IMMP2L: variants seen among roughly 807,000 people sequenced by gnomAD.
IMMP2L encodes mitochondrial inner membrane protease subunit 2.
IMMP2L carries 18 observed loss-of-function variants against 19.3 expected under a neutral mutation model. The ratio of observed to expected loss-of-function variants is 0.93; its 90% CI spans 0.64 to 1.38. The LOEUF (loss-of-function observed/expected upper bound fraction) is 1.38, where lower values mean the gene tolerates loss of function less well. IMMP2L is among the 40% of genes most tolerant of loss of function. The probability of loss-of-function intolerance (pLI) is 0.00; values close to 1 mark genes in which losing one functional copy is unlikely to be tolerated. For synonymous variants in IMMP2L, 76 were observed against 73.0 expected (o/e 1.04, Z -0.21); for missense variants, 233 against 218.2 (o/e 1.07, Z -0.43).
chr7:110,890,809 T>A (rs2129546041), intron 4 of IMMP2L, among the ~76,000 whole-genome samples: 1 of 152,240 alleles, frequency 6.6e-6, no homozygotes, highest in African/African-American at 2.4e-5. Context: ...GTCTTATAAA[T>A]GGAATAAAGA....
intron 3 of IMMP2L, among the ~76,000 whole-genome samples, chr7:110,964,991 C>T (rs1819383508): frequency 6.6e-6 from 1 of 151,996 alleles, no homozygotes; most frequent in South Asian, 2.1e-4. Context: ...GACCTTGAGT[C>T]AGAACCACAC....
chr7:111,533,944 C>T (rs1847634944), intron 1 of IMMP2L, among the ~76,000 whole-genome samples: 1 of 151,784 alleles, frequency 6.6e-6, no homozygotes, highest in Admixed American at 6.6e-5. Context: ...TCTAAAATTA[C>T]ACAATTCTTA....
chr7:111,389,831 A>C lies in IMMP2L; in HGVS notation c.239+97407T>G, dbSNP rs187872002. Among the ~76,000 whole-genome samples the C allele has an allele frequency of 3.4e-3, 525 of 152,232 alleles. 4 individuals are homozygous for C. The highest frequency in any genetic ancestry group is 7.2e-3 in the Admixed American group (110 of 15,282). ...TCTGCTCTGAATTTTGAATATAAAA[A>C]AGTATGCTTGTGCTAGAGGCTAATA... On this transcript the variant is annotated intron_variant, in intron 3 of 5. Transcript: ENST00000405709.
intron 2 of IMMP2L, among the ~76,000 whole-genome samples, chr7:111,497,890 T>C (rs1843742271): frequency 6.6e-6 from 1 of 151,638 alleles, no homozygotes; most frequent in Admixed American, 6.6e-5. Context: ...AATTTTTCAC[T>C]ATTAGTATTA....
chr7:111,353,766 A>G (rs1239767490), intron 3 of IMMP2L, among the ~76,000 whole-genome samples: 1 of 152,164 alleles, frequency 6.6e-6, no homozygotes, highest in Non-Finnish European at 1.5e-5. Context: ...TTCTCAGAAT[A>G]TACAACTTAA....
chr7:111,119,622 A>G (rs17158338), intron 3 of IMMP2L, among the ~76,000 whole-genome samples: 6,362 of 152,338 alleles, frequency 0.042, 186 homozygotes, highest in Non-Finnish European at 0.066. Flanking sequence ...AAACAGATTT[A>G]CTGAAATTAG....
intron 3 of IMMP2L, among the ~76,000 whole-genome samples, chr7:111,472,919 AACCAAGTCTCT>A (rs1342061010): frequency 6.6e-6 from 1 of 152,092 alleles, no homozygotes; most frequent in Non-Finnish European, 1.5e-5. Flanking sequence ...AACATGGCGA[AACCAAGTCTCT>A]ACTAAAAGAA....
intron 1 of IMMP2L, among the ~76,000 whole-genome samples, chr7:111,530,489 T>C (rs1434622698): frequency 1.3e-5 from 2 of 152,164 alleles, no homozygotes; most frequent in Admixed American, 6.5e-5. Flanking sequence ...GGGGCAATCA[T>C]ATGTACTGAT....
chr7:110,945,399 T>G (rs1563101343), intron 4 of IMMP2L, among the ~76,000 whole-genome samples: 1 of 151,976 alleles, frequency 6.6e-6, no homozygotes, highest in Non-Finnish European at 1.5e-5. Flanking sequence ...GTAACCCATC[T>G]TCCTGGGCTC....
intron 3 of IMMP2L, among the ~76,000 whole-genome samples, chr7:110,985,611 T>A (rs1284406776): frequency 6.6e-6 from 1 of 152,154 alleles, no homozygotes; most frequent in East Asian, 1.9e-4. Flanking sequence ...CTTTTAAAAG[T>A]GTGTGAATGT....
chr7:111,528,650 A>G (rs1034184655), intron 1 of IMMP2L, among the ~76,000 whole-genome samples: 1 of 152,178 alleles, frequency 6.6e-6, no homozygotes, highest in African/African-American at 2.4e-5. Context: ...ATTGTTCTTA[A>G]GCCTGCTTAT....
intron 5 of IMMP2L, among the ~76,000 whole-genome samples, chr7:110,672,009 G>A (rs1791954112): frequency 6.6e-6 from 1 of 151,334 alleles, no homozygotes. Context: ...TTTAGAAGCT[G>A]AAAAAAACAA....
chr7:111,066,765 G>C (rs1794541328), intron 3 of IMMP2L, among the ~76,000 whole-genome samples: 1 of 152,180 alleles, frequency 6.6e-6, no homozygotes, highest in Admixed American at 6.5e-5. Context: ...TGATTGCCTG[G>C]AGGCCTTGGG....
At chr7:111,222,170 G>T (rs1812586476) in intron 3 of IMMP2L, among the ~76,000 whole-genome samples, 1 of 151,760 alleles carries the variant, frequency 6.6e-6, no homozygotes, top group South Asian at 2.1e-4. Context: ...TATATTAGAG[G>T]TATAATGCCG....
intron 3 of IMMP2L, among the ~76,000 whole-genome samples, chr7:111,274,798 G>C (rs1818840370): frequency 6.6e-6 from 1 of 152,170 alleles, no homozygotes; most frequent in Non-Finnish European, 1.5e-5. Flanking sequence ...CCCAGGAGCA[G>C]GCAACACAGA....
chr7:111,238,341 A>G (rs1814588289), intron 3 of IMMP2L, among the ~76,000 whole-genome samples: 1 of 152,012 alleles, frequency 6.6e-6, no homozygotes, highest in South Asian at 2.1e-4. Context: ...CAGTTTATTT[A>G]TGTTTGACTT....
intron 3 of IMMP2L, among the ~76,000 whole-genome samples, chr7:111,319,571 A>C (rs1418372563): frequency 1.3e-5 from 2 of 152,080 alleles, no homozygotes; most frequent in Non-Finnish European, 2.9e-5. Context: ...ATTTTTACAA[A>C]TCAAAATTTT....
chr7:111,537,537 T>G (rs1181080898), intron 1 of IMMP2L, among the ~76,000 whole-genome samples: 1 of 140,286 alleles, frequency 7.1e-6, no homozygotes, highest in African/African-American at 2.7e-5. Flanking sequence ...CTTTTTTTTT[T>G]TTTTTTTTTT....
intron 4 of IMMP2L, chr7:110,962,766 C>G: frequency 9.0e-7 from 1 of 1,116,766 alleles, no homozygotes; most frequent in African/African-American, 1.6e-5. Context: ...ATCATTAATA[C>G]AAATACTTTA....
Sources: gnomAD v4.1 joint callset for allele counts (sites outside exome capture counted in the v4.1 genomes callset) on GRCh38, gnomAD v4.1.1 for gene constraint, MANE v1.5 for transcripts, NCBI Gene and HGNC (gene_info 2026-07-23, HGNC 2026-07-21) for gene names.